APBB2: variants seen among roughly 807,000 people sequenced by gnomAD.
The protein encoded by APBB2 is Fe65-like 1.
APBB2 carries 38 observed loss-of-function variants against 82.5 expected under a neutral mutation model. The ratio of observed to expected loss-of-function variants is 0.46; its 90% CI spans 0.36 to 0.60. The LOEUF is 0.60. Among genes scored for constraint, APBB2 ranks in the 20% least tolerant of loss-of-function variants. The pLI, the probability that APBB2 is intolerant of heterozygous loss-of-function variation, is 0.00. For synonymous variants in APBB2, 341 were observed against 368.2 expected, an observed-to-expected ratio of 0.93 and a Z score of 0.85; for missense variants, 772 against 972.3, an observed-to-expected ratio of 0.79 and a Z score of 2.74.
rs914589421 is a variant in APBB2, at chr4:40,832,427, CAT to C, written c.1530-1852_1530-1851del. ...ACGCTTTAATCACCGGCAATCCACA[CAT>C]GACCCCAACATTTCTCCTCCCAACC... On this transcript the variant is annotated intron_variant, in intron 12 of 17. Coordinates refer to ENST00000508593, the MANE Select transcript of APBB2 (RefSeq NM_004307.2). The surrounding 1 kb of genome is among the most constrained non-coding windows in gnomAD (Gnocchi z 4.8). Among the ~76,000 whole-genome samples, 1 of 152,210 alleles carries C rather than the reference CAT, an allele frequency of 6.6e-6. No individual in the cohort carries two copies. Among genetic ancestry groups the C allele is most frequent in the Non-Finnish European group, 1.5e-5 (1 of 68,040 alleles).
At position 41,000,059 on chromosome 4, in the gene APBB2, A is replaced by ATGTGTGTGTGTGTG. The variant is rs1307419146; in HGVS notation, c.835+13523_835+13524insCACACACACACACA. On this transcript the variant is annotated intron_variant, in intron 6 of 17. Transcript: ENST00000508593. Reference sequence around the variant, plus strand: ...TGTGTGTGTGTATGTATATGTATATATATGTGTGTATGTGTGTGTGTGTGT... The same window carrying ATGTGTGTGTGTGTG: ...TGTGTGTGTGTATGTATATGTATATATGTGTGTGTGTGTGTATGTGTGTATGTGTGTGTGTGTGT... 5.3e-4 allele frequency among the ~76,000 whole-genome samples: 49 copies of ATGTGTGTGTGTGTG among 92,958 alleles called. 2 individuals carry two copies. In the East Asian group the frequency reaches 6.1e-3, roughly 12 times the overall value. The allele number at this position is 92,958 out of a possible 152,430, so 61.0% of individuals were successfully genotyped here.
intron 1 of APBB2, chr4:41,194,279 G>A: frequency 1.3e-5 from 2 of 152,440 alleles, no homozygotes; most frequent in African/African-American, 2.4e-5. Context: ...CCATGATTGT[G>A]CCACTGCACT....
rs61087697 is a variant in APBB2, at chr4:40,964,753, A to AACACACACACAC, written c.836-19692_836-19681dup. Among the ~76,000 whole-genome samples, 1,168 of 139,700 alleles carry AACACACACACAC rather than the reference A, an allele frequency of 8.4e-3. 10 individuals are homozygous for AACACACACACAC. The highest frequency in any genetic ancestry group is 0.021 in the African/African-American group (801 of 37,756). 91.6% of individuals were successfully genotyped at this position (139,700 alleles called of 152,430 possible). A position where few individuals can be genotyped will look rare whatever the true frequency, so the allele number is the denominator to read the frequency against. ...CACGGGGGAAAATACCCATTGAATA[A>AACACACACACAC]ACACACACACACACACACACACAAC... On this transcript the variant is annotated intron_variant, in intron 6 of 17. Transcript: ENST00000508593.
intron 1 of APBB2, among the ~76,000 whole-genome samples, chr4:41,185,536 C>G (rs1772667288): frequency 6.6e-6 from 1 of 152,224 alleles, no homozygotes; most frequent in African/African-American, 2.4e-5. Flanking sequence ...AAACTCTGCT[C>G]TGCACATTAT....
intron 7 of APBB2, among the ~76,000 whole-genome samples, chr4:40,942,047 C>T (rs73809205): frequency 0.016 from 2,448 of 152,264 alleles, 62 homozygotes; most frequent in African/African-American, 0.043. Flanking sequence ...TGCACATCAG[C>T]GTATGTGGCA....
intron 4 of APBB2, among the ~76,000 whole-genome samples, chr4:41,039,054 T>G (rs1720354637): frequency 6.6e-6 from 1 of 152,246 alleles, no homozygotes; most frequent in Non-Finnish European, 1.5e-5. Context: ...TAAATACACT[T>G]GTTTTTAAAT....
chr4:41,066,067 A>G (rs1731677007), intron 3 of APBB2, among the ~76,000 whole-genome samples: 1 of 147,428 alleles, frequency 6.8e-6, no homozygotes, highest in Non-Finnish European at 1.5e-5. Context: ...ATATCCTATA[A>G]AACTTTAAAA....
chr4:41,169,991 C>G (rs1767810827), intron 1 of APBB2, among the ~76,000 whole-genome samples: 1 of 151,998 alleles, frequency 6.6e-6, no homozygotes, highest in South Asian at 2.1e-4. Flanking sequence ...AATGAGGTTA[C>G]TCTAAATTCA....
At chr4:41,099,377 C>A (rs1672245917) in intron 3 of APBB2, among the ~76,000 whole-genome samples, 1 of 152,102 alleles carries the variant, frequency 6.6e-6, no homozygotes, top group South Asian at 2.1e-4. Context: ...TACAGGCATG[C>A]ACCACCATAC....
chr4:40,829,555 T>C (rs763932127), intron 13 of APBB2, among the ~76,000 whole-genome samples: 9 of 152,168 alleles, frequency 5.9e-5, no homozygotes, highest in Non-Finnish European at 1.2e-4. Flanking sequence ...CTCCAGTCAG[T>C]ACCTGGAAGT....
intron 1 of APBB2, among the ~76,000 whole-genome samples, chr4:41,158,964 G>A (rs1384955713): frequency 6.6e-6 from 1 of 152,122 alleles, no homozygotes; most frequent in East Asian, 1.9e-4. Context: ...CCTGGGCTCA[G>A]GAATCCCGGA....
chr4:40,955,428 A>G (rs2154386155), intron 6 of APBB2, among the ~76,000 whole-genome samples: 1 of 152,352 alleles, frequency 6.6e-6, no homozygotes, highest in East Asian at 1.9e-4. Context: ...GATTATCTGA[A>G]GCTATTATGT....
At chr4:40,893,963 G>C (rs2154353181) in intron 10 of APBB2, among the ~76,000 whole-genome samples, 1 of 150,408 alleles carries the variant, frequency 6.6e-6, no homozygotes, top group African/African-American at 2.5e-5. Context: ...GACACAGCGA[G>C]ACTCCATCTC....
chr4:41,186,593 A>C (rs1367054755), intron 1 of APBB2, among the ~76,000 whole-genome samples: 1 of 152,200 alleles, frequency 6.6e-6, no homozygotes, highest in Non-Finnish European at 1.5e-5. Context: ...ACTCAGTATT[A>C]CCACTGTTGT....
At chr4:41,037,999 T>C (rs1189172655) in intron 4 of APBB2, among the ~76,000 whole-genome samples, 2 of 152,310 alleles carry the variant, frequency 1.3e-5, no homozygotes, top group Admixed American at 6.5e-5. Context: ...ACACTGAGAA[T>C]ACAGTTGTGA....
intron 4 of APBB2, among the ~76,000 whole-genome samples, chr4:41,042,303 C>T (rs1423266425): frequency 6.6e-6 from 1 of 152,192 alleles, no homozygotes; most frequent in East Asian, 1.9e-4. Context: ...CCCCAACTTT[C>T]ATATTCCAAA....
At chr4:40,847,888 C>G (rs567809281) in intron 12 of APBB2, among the ~76,000 whole-genome samples, 1 of 151,894 alleles carries the variant, frequency 6.6e-6, no homozygotes, top group South Asian at 2.1e-4. Flanking sequence ...CTTACTGCAT[C>G]CTCAAACTAC....
intron 3 of APBB2, among the ~76,000 whole-genome samples, chr4:41,091,686 G>A (rs1465530614): frequency 2.0e-5 from 3 of 152,110 alleles, no homozygotes; most frequent in Non-Finnish European, 2.9e-5. Context: ...GAATGAATGA[G>A]GGGCTCATGA....
intron 12 of APBB2, among the ~76,000 whole-genome samples, chr4:40,838,438 C>A (rs547361060): frequency 1.3e-5 from 2 of 149,136 alleles, no homozygotes; most frequent in East Asian, 2.0e-4. Context: ...CGGGTTCAAG[C>A]AATTCTCCTG....
Sources: gnomAD v4.1 joint callset for allele counts (sites outside exome capture counted in the v4.1 genomes callset) on GRCh38, gnomAD v4.1.1 for gene constraint, Gnocchi (gnomAD v3.1) non-coding constraint, MANE v1.5 for transcripts, NCBI Gene and HGNC (gene_info 2026-07-23, HGNC 2026-07-21) for gene names.